The following CTNNA3 variants were observed in gnomAD, a reference collection of about 807,000 sequenced individuals.
CTNNA3 encodes the protein catenin alpha-3.
CTNNA3 carries 76 observed loss-of-function variants against 95.7 expected under a neutral mutation model. The observed-to-expected ratio is 0.79, with a 90% CI of 0.66 to 0.96. The LOEUF is 0.96. Among genes scored for constraint, CTNNA3 ranks in the 40% least tolerant of loss-of-function variants. The pLI, the probability that CTNNA3 is intolerant of heterozygous loss-of-function variation, is 0.00. For missense variants in CTNNA3, 1,191 were observed against 1,089.8 expected (o/e 1.09, Z -1.31); for synonymous variants, 431 against 374.4 (o/e 1.15, Z -1.74).
In CTNNA3 at chr10:66,286,388, C is replaced by T. The variant is rs536259897; in HGVS notation, c.1733-5767G>A. On this transcript the variant is annotated intron_variant, in intron 12 of 17. Coordinates refer to ENST00000433211, the MANE Select transcript of CTNNA3 (RefSeq NM_013266.4). The stretch of plus-strand genomic sequence containing the variant: ...TTACTTTGATTTTTTAAAAAATCTA[C>T]TCCTGCATCTTGAGTTTAGACTGTT... 5.3e-5 allele frequency among the ~76,000 whole-genome samples: 8 copies of T among 152,146 alleles called. 1 individual carries two copies. Among genetic ancestry groups the T allele is most frequent in the Middle Eastern group, 3.4e-3 (1 of 294 alleles).
intron 7 of CTNNA3, among the ~76,000 whole-genome samples, chr10:66,851,920 A>G (rs7089433): frequency 0.58 from 87,754 of 152,012 alleles, 26,370 homozygotes; most frequent in Non-Finnish European, 0.63. Context: ...GTCTCACTCC[A>G]TGCTTGACCA....
chr10:65,920,755 G>A, intron 17 of CTNNA3, 138 bp from the exon 18 acceptor site: 1 of 878,816 alleles, frequency 1.1e-6, no homozygotes, highest in Non-Finnish European at 1.7e-6. Context: ...GAGCCCAGGA[G>A]GCAAAGGTTG....
At chr10:67,661,115 A>G (rs1024778509) in intron 1 of CTNNA3, among the ~76,000 whole-genome samples, 1 of 152,040 alleles carries the variant, frequency 6.6e-6, no homozygotes, top group East Asian at 1.9e-4. Flanking sequence ...TATGCAATAC[A>G]TGTATATGTA....
At chr10:66,574,714 G>A (rs1842958283) in intron 10 of CTNNA3, among the ~76,000 whole-genome samples, 1 of 152,014 alleles carries the variant, frequency 6.6e-6, no homozygotes. Flanking sequence ...AATTTTCCAT[G>A]ATTACTTTGA....
intron 15 of CTNNA3, among the ~76,000 whole-genome samples, chr10:66,000,803 C>A (rs146357479): frequency 1.4e-4 from 22 of 152,190 alleles, no homozygotes; most frequent in Non-Finnish European, 2.9e-4. Flanking sequence ...TGCAGATGAG[C>A]AAACTGACGA....
intron 5 of CTNNA3, among the ~76,000 whole-genome samples, chr10:67,406,000 G>A (rs1186447855): frequency 1.3e-5 from 2 of 152,128 alleles, no homozygotes; most frequent in African/African-American, 2.4e-5. Flanking sequence ...GAACCTGGTG[G>A]GAAGTAATCA....
intron 7 of CTNNA3, among the ~76,000 whole-genome samples, chr10:67,166,835 G>A (rs919912699): frequency 4.6e-5 from 7 of 152,164 alleles, no homozygotes; most frequent in Non-Finnish European, 2.9e-5. Flanking sequence ...GGCCGGGCGC[G>A]GTGGCTCATG....
chr10:65,981,436 G>A (rs753362983), intron 16 of CTNNA3, among the ~76,000 whole-genome samples: 7 of 151,682 alleles, frequency 4.6e-5, no homozygotes, highest in Admixed American at 1.3e-4. Context: ...AGCATTCCAC[G>A]AATTCAATGC....
chr10:66,750,769 T>C (rs571245380), intron 9 of CTNNA3, among the ~76,000 whole-genome samples: 2 of 152,226 alleles, frequency 1.3e-5, no homozygotes, highest in Non-Finnish European at 1.5e-5. Context: ...AGGATTTGTA[T>C]TGAGATTGCA....
intron 5 of CTNNA3, among the ~76,000 whole-genome samples, chr10:67,343,376 C>T (rs1436611902): frequency 4.6e-5 from 7 of 152,120 alleles, no homozygotes; most frequent in African/African-American, 1.7e-4. Flanking sequence ...TTGACTTTTT[C>T]CAATCCATGA....
intron 7 of CTNNA3, among the ~76,000 whole-genome samples, chr10:66,808,525 CA>C (rs1841747726): frequency 6.6e-6 from 1 of 152,122 alleles, no homozygotes; most frequent in African/African-American, 2.4e-5. Flanking sequence ...GTTAAACATA[CA>C]GTAGTTCCCC....
chr10:66,861,439 G>A (rs1843923737), intron 7 of CTNNA3, among the ~76,000 whole-genome samples: 1 of 152,162 alleles, frequency 6.6e-6, no homozygotes, highest in Admixed American at 6.6e-5. Flanking sequence ...GCATGGGTGT[G>A]TGTGAGTGAG....
At chr10:66,115,531 T>C (rs1438455377) in intron 13 of CTNNA3, among the ~76,000 whole-genome samples, 1 of 114,682 alleles carries the variant, frequency 8.7e-6, no homozygotes, top group Non-Finnish European at 1.8e-5. Context: ...AGATGATAGA[T>C]AGATAGATAG....
intron 11 of CTNNA3, among the ~76,000 whole-genome samples, chr10:66,480,315 T>C (rs1456499175): frequency 6.6e-6 from 1 of 152,190 alleles, no homozygotes; most frequent in East Asian, 1.9e-4. Flanking sequence ...AAATTTAAGA[T>C]TTATACTTTT....
intron 5 of CTNNA3, 125 bp downstream of exon 5, chr10:67,521,717 C>A: frequency 1.6e-6 from 2 of 1,228,934 alleles, no homozygotes; most frequent in Non-Finnish European, 2.3e-6. Context: ...CAGCACAGCA[C>A]AACCTGTATC....
intron 15 of CTNNA3, among the ~76,000 whole-genome samples, chr10:66,068,511 A>C (rs2080361731): frequency 6.6e-6 from 1 of 152,182 alleles, no homozygotes; most frequent in Non-Finnish European, 1.5e-5. Flanking sequence ...ATTAACAGTT[A>C]TTTCATTACT....
chr10:67,350,558 T>A, intron 5 of CTNNA3, among the ~76,000 whole-genome samples: 2 of 135,662 alleles, frequency 1.5e-5, no homozygotes, highest in African/African-American at 2.8e-5. Context: ...GATGACCAAA[T>A]GGTTAGTAAA....
At chr10:65,947,738 G>C (rs1449516430) in intron 17 of CTNNA3, among the ~76,000 whole-genome samples, 1 of 152,210 alleles carries the variant, frequency 6.6e-6, no homozygotes, top group African/African-American at 2.4e-5. Flanking sequence ...GTAGCTGTTT[G>C]TTACCACAGC....
At chr10:66,126,938 G>T (rs563121402) in intron 13 of CTNNA3, among the ~76,000 whole-genome samples, 1 of 152,204 alleles carries the variant, frequency 6.6e-6, no homozygotes, top group African/African-American at 2.4e-5. Flanking sequence ...TTAACTGTGG[G>T]CTACATAGTG....
Sources: allele counts gnomAD v4.1 joint callset (sites outside exome capture counted in the v4.1 genomes callset), GRCh38; gene constraint gnomAD v4.1.1; transcripts MANE v1.5; gene names NCBI Gene and HGNC (gene_info 2026-07-23, HGNC 2026-07-21).